Variants in TCF7L2 observed in about 807,000 individuals in gnomAD.
TCF7L2 encodes the protein transcription factor 7-like 2.
In TCF7L2, 23 loss-of-function variants were observed where a neutral mutation model predicts 77.9. The ratio of observed to expected loss-of-function variants is 0.30; its 90% CI spans 0.21 to 0.42. TCF7L2 has a LOEUF of 0.42. Ranked by LOEUF, TCF7L2 falls within the 10% of genes least tolerant of loss-of-function variation. TCF7L2 has a pLI of 1.00. For synonymous variants in TCF7L2, 413 were observed against 340.2 expected (o/e 1.21, Z -2.36); for missense variants, 654 against 793.1 (o/e 0.82, Z 2.11).
chr10:113,152,849 G>A (rs988724670), intron 11 of TCF7L2, among the ~76,000 whole-genome samples: 3 of 152,212 alleles, frequency 2.0e-5, no homozygotes, highest in South Asian at 2.1e-4. Flanking sequence ...GGTAGGTGTG[G>A]AGGAACAGAA....
At chr10:113,091,632 G>A (rs1300875548) in intron 5 of TCF7L2, among the ~76,000 whole-genome samples, 3 of 152,194 alleles carry the variant, frequency 2.0e-5, no homozygotes, top group Non-Finnish European at 4.4e-5. Flanking sequence ...CAGGAGAATC[G>A]CTTGAACTCA....
At chr10:112,962,830 C>T (rs755219114) in intron 3 of TCF7L2, among the ~76,000 whole-genome samples, 1 of 152,138 alleles carries the variant, frequency 6.6e-6, no homozygotes, top group East Asian at 1.9e-4. Flanking sequence ...AACCTCTGAC[C>T]TCAGGTGATC....
At chr10:113,040,214 AT>A (rs142768205) in intron 5 of TCF7L2, 88 bp downstream of exon 5, 21 of 1,133,022 alleles carry the variant, frequency 1.9e-5, no homozygotes, top group Non-Finnish European at 2.5e-5. Context: ...CTTATTTGTC[AT>A]TTTTTTCTTT....
intron 5 of TCF7L2, chr10:113,129,576 T>C (rs2136480008): frequency 1.0e-6 from 1 of 1,002,708 alleles, no homozygotes; most frequent in Admixed American, 5.4e-5. Context: ...TTAAGATTTT[T>C]TTAGGGATGT....
chr10:113,063,893 CGTGTGTGTGTGTGT>C (rs34087825), intron 5 of TCF7L2, among the ~76,000 whole-genome samples: 1 of 147,056 alleles, frequency 6.8e-6, no homozygotes, highest in Non-Finnish European at 1.5e-5. Flanking sequence ...ATGGATGTGG[CGTGTGTGTGTGTGT>C]GTGTGTGTGT....
intron 4 of TCF7L2, among the ~76,000 whole-genome samples, chr10:112,969,752 C>A (rs1428320700): frequency 1.3e-5 from 2 of 152,232 alleles, no homozygotes; most frequent in Non-Finnish European, 2.9e-5. Context: ...ACTCCTCCCA[C>A]TGTCTCCATT....
At position 113,151,888 on chromosome 10, in the gene TCF7L2, G is replaced by T. The variant is rs2137155854; in HGVS notation, c.1161+4G>T. ...CAACCAGATCCTTGGGCGGAGGGTA[G>T]GTGACGCCCTTCTCAGGGAGAAGCG... is the stretch of plus-strand genomic sequence containing the variant. On this transcript the variant is annotated splice_donor_region_variant and intron_variant, in intron 10 of 13. Transcript: ENST00000627217. This position sits in a 1 kb window ranked among gnomAD's most constrained non-coding sequence, Gnocchi z 5.2. The T allele has an allele frequency of 6.3e-7, 1 of 1,594,132 alleles. No individual in the cohort carries two copies. Among genetic ancestry groups the T allele is most frequent in the Non-Finnish European group, 8.5e-7 (1 of 1,174,302 alleles).
At chr10:113,118,638 G>A (rs1198805705) in intron 5 of TCF7L2, among the ~76,000 whole-genome samples, 2 of 146,668 alleles carry the variant, frequency 1.4e-5, no homozygotes, top group Non-Finnish European at 3.0e-5. Context: ...CAATCTGTTG[G>A]GGAAGTTTTT....
At chr10:113,051,203 CCACACACACACACACACA>C (rs55771704) in intron 5 of TCF7L2, among the ~76,000 whole-genome samples, 1 of 140,390 alleles carries the variant, frequency 7.1e-6, no homozygotes, top group East Asian at 2.1e-4. Context: ...TGCATACACA[CCACACACACACACACACA>C]CACACACACA....
intron 13 of TCF7L2, among the ~76,000 whole-genome samples, chr10:113,161,791 C>T (rs1158926298): frequency 1.3e-5 from 2 of 152,166 alleles, no homozygotes; most frequent in Non-Finnish European, 2.9e-5. Context: ...TACGAGAGAT[C>T]GGTGAAGTGC....
chr10:113,108,215 G>GA (rs1455502836), intron 5 of TCF7L2, among the ~76,000 whole-genome samples: 1 of 152,024 alleles, frequency 6.6e-6, no homozygotes, highest in Non-Finnish European at 1.5e-5. Context: ...ACACAATGTG[G>GA]ACCCCCCCAC....
chr10:113,113,866 G>A (rs1192210171), intron 5 of TCF7L2, among the ~76,000 whole-genome samples: 1 of 152,126 alleles, frequency 6.6e-6, no homozygotes, highest in Non-Finnish European at 1.5e-5. Flanking sequence ...ATAAAAATCA[G>A]CCTTTTAAGA....
chr10:112,953,347 C>T (rs1429013799), intron 3 of TCF7L2, among the ~76,000 whole-genome samples: 1 of 152,130 alleles, frequency 6.6e-6, no homozygotes, highest in African/African-American at 2.4e-5. Flanking sequence ...CTGCAGGGGC[C>T]GCGCTCTGGG....
chr10:113,118,654 G>GTTTTTTTTTTTT (rs56402955), intron 5 of TCF7L2, among the ~76,000 whole-genome samples: 1 of 127,934 alleles, frequency 7.8e-6, no homozygotes, highest in African/African-American at 2.7e-5. Flanking sequence ...TTTTTTTTTT[G>GTTTTTTTTTTTT]TTTTTTTTTG....
At chr10:112,976,850 CT>C (rs1589892958) in intron 4 of TCF7L2, among the ~76,000 whole-genome samples, 1 of 152,318 alleles carries the variant, frequency 6.6e-6, no homozygotes, top group East Asian at 1.9e-4. Flanking sequence ...ATTTGCACTG[CT>C]GTCTTAGAGA....
chr10:113,117,971 C>T (rs1381421619), intron 5 of TCF7L2, among the ~76,000 whole-genome samples: 1 of 120,602 alleles, frequency 8.3e-6, no homozygotes, highest in East Asian at 3.0e-4. Context: ...GCCCCCACCC[C>T]CCGCCCCCAT....
At chr10:113,078,159 T>G (rs527967517) in intron 5 of TCF7L2, among the ~76,000 whole-genome samples, 3 of 152,270 alleles carry the variant, frequency 2.0e-5, no homozygotes, top group South Asian at 4.1e-4. Flanking sequence ...TAGTTCATAT[T>G]TGCTTTAATT....
intron 5 of TCF7L2, among the ~76,000 whole-genome samples, chr10:113,102,677 C>T (rs1244551046): frequency 2.6e-5 from 4 of 152,066 alleles, no homozygotes; most frequent in Admixed American, 6.6e-5. Context: ...CTGTCTTCCT[C>T]GGCCCCTCTA....
chr10:113,135,289 C>T (rs2067229249), intron 5 of TCF7L2, among the ~76,000 whole-genome samples: 1 of 152,148 alleles, frequency 6.6e-6, no homozygotes, highest in African/African-American at 2.4e-5. Context: ...GGGCGCCTCC[C>T]CCTCCCCATT....
Sources: gnomAD v4.1 joint callset for allele counts (sites outside exome capture counted in the v4.1 genomes callset) on GRCh38, gnomAD v4.1.1 for gene constraint, Gnocchi (gnomAD v3.1) non-coding constraint, MANE v1.5 for transcripts, NCBI Gene and HGNC (gene_info 2026-07-23, HGNC 2026-07-21) for gene names.